The following NOS2 variants were observed in gnomAD, a reference collection of about 807,000 sequenced individuals.
NOS2 encodes the protein nitric oxide synthase 2.
NOS2 carries 96 observed loss-of-function variants against 136.0 expected under a neutral mutation model. The ratio of observed to expected loss-of-function variants is 0.71; its 90% confidence interval spans 0.60 to 0.84. The LOEUF is 0.84. Ranked by LOEUF, NOS2 falls within the 40% of genes least tolerant of loss-of-function variation. The probability of loss-of-function intolerance (pLI) is 0.00; values close to 1 mark genes in which losing one functional copy is unlikely to be tolerated. For missense variants in NOS2, 1,237 were observed against 1,496.9 expected (o/e 0.83, Z 2.87); for synonymous variants, 539 against 587.5 (o/e 0.92, Z 1.20).
At chr17:27,778,190 G>A (rs902851755) in intron 11 of NOS2, among the ~76,000 whole-genome samples, 1 of 152,128 alleles carries the variant, frequency 6.6e-6, no homozygotes, top group African/African-American at 2.4e-5. Flanking sequence ...ACATGGCACG[G>A]TCAGGGAGGC....
At chr17:27,762,413 G>A (rs1908162161) in intron 22 of NOS2, among the ~76,000 whole-genome samples, 1 of 152,200 alleles carries the variant, frequency 6.6e-6, no homozygotes, top group Admixed American at 6.5e-5. Flanking sequence ...CCTACCAAGG[G>A]TTGAGTGCTC....
intron 11 of NOS2, among the ~76,000 whole-genome samples, chr17:27,775,201 T>G (rs1232421126): frequency 2.0e-5 from 3 of 152,224 alleles, no homozygotes; most frequent in Non-Finnish European, 4.4e-5. Context: ...GGCTCATGCC[T>G]GTAATCCTAG....
intron 5 of NOS2, 146 bp from the exon 6 acceptor site, chr17:27,783,252 TG>T: frequency 1.3e-6 from 1 of 796,570 alleles, no homozygotes; most frequent in African/African-American, 1.7e-5. Flanking sequence ...GGGCTGGCTT[TG>T]GGGACCTCAC....
At chr17:27,799,767 G>C (rs1350175630) in intron 1 of NOS2, among the ~76,000 whole-genome samples, 1 of 151,410 alleles carries the variant, frequency 6.6e-6, no homozygotes, top group Non-Finnish European at 1.5e-5. Context: ...GATTGCTTGA[G>C]GCTGGGCAGT....
intron 16 of NOS2, 54 bp from the exon 17 acceptor site, chr17:27,769,205 C>T (rs868141231): frequency 2.0e-6 from 3 of 1,502,482 alleles, no homozygotes; most frequent in Admixed American, 1.9e-5. Context: ...CACCTGGCAC[C>T]CAGCACCCAG....
At chr17:27,771,644 G>A (rs1290979046) in intron 14 of NOS2, among the ~76,000 whole-genome samples, 1 of 152,264 alleles carries the variant, frequency 6.6e-6, no homozygotes, top group Non-Finnish European at 1.5e-5. Context: ...CCTGTCCTCA[G>A]AGTCACATCC....
chr17:27,781,987 T>A, intron 7 of NOS2, 28 bp downstream of exon 7: 1 of 1,603,292 alleles, frequency 6.2e-7, no homozygotes, highest in Non-Finnish European at 8.5e-7. Flanking sequence ...GGCAAGCCCC[T>A]CTGCAGCCCT....
intron 11 of NOS2, among the ~76,000 whole-genome samples, chr17:27,777,389 T>C (rs1163223010): frequency 6.6e-6 from 1 of 152,118 alleles, no homozygotes; most frequent in African/African-American, 2.4e-5. Flanking sequence ...GGAAGGGAAG[T>C]GTTTCTATGA....
intron 24 of NOS2, 131 bp downstream of exon 24, chr17:27,760,492 C>G (rs534139293): frequency 5.5e-6 from 7 of 1,267,670 alleles, no homozygotes; most frequent in Non-Finnish European, 5.5e-6. Context: ...CGCAGAGGCC[C>G]GCACAGGGAA....
chr17:27,764,658 C>T (rs2151325870), intron 20 of NOS2, among the ~76,000 whole-genome samples: 1 of 152,366 alleles, frequency 6.6e-6, no homozygotes, highest in Non-Finnish European at 1.5e-5. Flanking sequence ...TGGCTCCCCA[C>T]TTCTGAGGTG....
chr17:27,797,898 G>A (rs931132416), intron 2 of NOS2, among the ~76,000 whole-genome samples: 1 of 152,128 alleles, frequency 6.6e-6, no homozygotes, highest in African/African-American at 2.4e-5. Flanking sequence ...TCAGGCTGGG[G>A]GAAGTCATAA....
intron 21 of NOS2, among the ~76,000 whole-genome samples, chr17:27,763,531 CAA>C (rs375371399): frequency 8.5e-5 from 13 of 152,308 alleles, no homozygotes; most frequent in African/African-American, 3.1e-4. Context: ...GTGCCTTTTG[CAA>C]AGACTTGGAA....
In NOS2 at chr17:27,760,737, C is replaced by T. The variant is rs148088114; in HGVS notation, c.2896G>A (p.Gly966Ser). The change falls in exon 24 of 27, where the codon GGC becomes AGC. Residue 966 changes from glycine to serine, a missense_variant. Physicochemically the swap from Gly to Ser is moderately conservative, Grantham distance 56. Around this residue, in one of 3 missense-constraint regions of NOS2, gnomAD observed 782 missense variants for 909.9 expected, o/e 0.86. Transcript: ENST00000313735. ...PVPCFVRNASGFHLPEDPSHP... is the reference protein window; with the variant it reads ...PVPCFVRNASSFHLPEDPSHP... The stretch of plus-strand genomic sequence containing the variant: ...GAGGGATCCTCGGGGAGGTGGAAGC[C>T]GCTGGCACTGAAGAGGACAGGAGAA... 2,152 of 1,549,740 alleles carry T rather than the reference C, an allele frequency of 1.4e-3. 2 individuals carry two copies. Among genetic ancestry groups the T allele is most frequent in the Non-Finnish European group, 1.8e-3 (2,022 of 1,146,950 alleles).
chr17:27,769,570 C>A lies in NOS2; in HGVS notation c.1824G>T (p.Ser608=). 6.2e-7 allele frequency: 1 copy of A among 1,613,040 alleles called. No homozygotes were observed. The highest frequency in any genetic ancestry group is 8.5e-7 in the Non-Finnish European group (1 of 1,179,048). Reference sequence around the variant, plus strand: ...TGTTGAGCTCTTTCAGCATGAAGAGCGATTTCTTCAGTTTCTAGAAAGAGA... The same window carrying A: ...TGTTGAGCTCTTTCAGCATGAAGAGAGATTTCTTCAGTTTCTAGAAAGAGA... The part of the protein sequence containing the change: ...CPGNGEKLKK[S]LFMLKELNNK... The change falls in exon 16 of 27, where the codon TCG becomes TCT. Residue 608 remains serine (S), a synonymous_variant. Transcript: ENST00000313735.
chr17:27,767,692 G>A lies in NOS2; in HGVS notation c.2167+13C>T. The A allele has an allele frequency of 1.2e-6, 2 of 1,613,064 alleles. No individual in the cohort carries two copies. The highest frequency in any genetic ancestry group is 1.7e-6 in the Non-Finnish European group (2 of 1,179,802). On this transcript the variant is annotated intron_variant, in intron 18 of 26. Transcript: ENST00000313735. The stretch of plus-strand genomic sequence containing the variant: ...ACACAAACAAGCCCCATGTGCTGCA[G>A]AGAAGCAGGTACCTTTGCTGAGGTC...
intron 3 of NOS2, 36 bp downstream of exon 3, chr17:27,789,567 GA>G (rs749076245): frequency 1.3e-6 from 2 of 1,493,406 alleles, no homozygotes; most frequent in African/African-American, 2.8e-5. Flanking sequence ...CTGGACCAGG[GA>G]GGAAGGGGCT....
chr17:27,781,532 C>T (rs1908849516), intron 7 of NOS2, among the ~76,000 whole-genome samples: 1 of 152,166 alleles, frequency 6.6e-6, no homozygotes, highest in Non-Finnish European at 1.5e-5. Flanking sequence ...TCCTCCTACC[C>T]CCCCATACCC....
chr17:27,781,014 T>A, intron 8 of NOS2, 22 bp downstream of exon 8: 1 of 1,608,316 alleles, frequency 6.2e-7, no homozygotes, highest in Non-Finnish European at 8.5e-7. Context: ...CAATGGCCGG[T>A]GGCTGAGGCT....
At position 27,794,714 on chromosome 17, in the gene NOS2, G is replaced by GCGCA. The variant is rs371758052; in HGVS notation, c.110+3985_110+3986insTGCG. 1.0e-3 allele frequency among the ~76,000 whole-genome samples: 152 copies of GCGCA among 145,612 alleles called. 1 individual carries two copies. Among genetic ancestry groups the GCGCA allele is most frequent in the African/African-American group, 3.3e-3 (132 of 39,496 alleles). Reference sequence around the variant, plus strand: ...TACACACATGCGTACACACACACGCGCACACACACACACACACACACACAC... The same window carrying GCGCA: ...TACACACATGCGTACACACACACGCGCGCACACACACACACACACACACACACAC... On this transcript the variant is annotated intron_variant, in intron 2 of 26. Coordinates refer to ENST00000313735, the MANE Select transcript of NOS2 (RefSeq NM_000625.4).
Sources: gnomAD v4.1 joint callset for allele counts (sites outside exome capture counted in the v4.1 genomes callset) on GRCh38, gnomAD v4.1.1 for gene constraint, gnomAD v4.1.1 regional missense constraint, MANE v1.5 for transcripts, NCBI Gene and HGNC (gene_info 2026-07-23, HGNC 2026-07-21) for gene names.